FHIT: variants seen among roughly 807,000 people sequenced by gnomAD.
FHIT encodes bis(5'-adenosyl)-triphosphatase.
A neutral mutation model predicts 17.9 loss-of-function variants in FHIT; 19 were observed. That is an observed-to-expected ratio of 1.06 (90% CI 0.74 to 1.56). FHIT has a LOEUF of 1.56. Ranked by LOEUF, FHIT falls within the 40% of genes most tolerant of loss-of-function variation. The pLI is 0.00. For synonymous variants in FHIT, 81 were observed against 69.7 expected (o/e 1.16, Z -0.81); for missense variants, 248 against 189.2 (o/e 1.31, Z -1.82).
intron 5 of FHIT, among the ~76,000 whole-genome samples, chr3:60,295,350 C>T (rs1708159919): frequency 6.6e-6 from 1 of 152,090 alleles, no homozygotes; most frequent in Non-Finnish European, 1.5e-5. Flanking sequence ...GGTTTACAAG[C>T]AGCATGATGC....
At chr3:60,407,851 T>C (rs2107214055) in intron 5 of FHIT, among the ~76,000 whole-genome samples, 1 of 152,212 alleles carries the variant, frequency 6.6e-6, no homozygotes, top group South Asian at 2.1e-4. Flanking sequence ...TAAACACACA[T>C]AAATTTTTCA....
intron 5 of FHIT, among the ~76,000 whole-genome samples, chr3:60,497,486 C>A (rs954087013): frequency 3.3e-5 from 5 of 152,168 alleles, no homozygotes; most frequent in African/African-American, 1.2e-4. Flanking sequence ...ATGAAAATTA[C>A]ATAATTCTTT....
At chr3:60,587,738 T>C (rs1283375159) in intron 4 of FHIT, among the ~76,000 whole-genome samples, 1 of 152,026 alleles carries the variant, frequency 6.6e-6, no homozygotes, top group Non-Finnish European at 1.5e-5. Context: ...CACTATTTAT[T>C]GAGCTTCTGC....
intron 5 of FHIT, among the ~76,000 whole-genome samples, chr3:60,367,652 A>T (rs567728866): frequency 6.6e-6 from 1 of 152,314 alleles, no homozygotes; most frequent in Admixed American, 6.5e-5. Flanking sequence ...GCTTGTTTTT[A>T]AAAAATATCC....
At chr3:60,130,758 G>GTGTGTT (rs1213719942) in intron 5 of FHIT, among the ~76,000 whole-genome samples, 6 of 1,806 alleles carry the variant, frequency 3.3e-3, no homozygotes, top group South Asian at 0.043. Flanking sequence ...GTGTGTGTGT[G>GTGTGTT]TGTGTGTTTG....
chr3:61,218,382 T>G (rs2039744251), intron 1 of FHIT, among the ~76,000 whole-genome samples: 1 of 152,110 alleles, frequency 6.6e-6, no homozygotes, highest in South Asian at 2.1e-4. Context: ...AGGAACTGTT[T>G]TGTGGACTGA....
intron 8 of FHIT, among the ~76,000 whole-genome samples, chr3:59,917,566 A>T (rs1705192142): frequency 6.6e-6 from 1 of 152,214 alleles, no homozygotes; most frequent in Non-Finnish European, 1.5e-5. Context: ...AGTTCAGGGA[A>T]GGCTTGGCAT....
At chr3:60,781,784 T>C (rs1304791558) in intron 4 of FHIT, among the ~76,000 whole-genome samples, 3 of 152,208 alleles carry the variant, frequency 2.0e-5, no homozygotes, top group African/African-American at 2.4e-5. Flanking sequence ...AGGACACCAA[T>C]GGTAGTAAAT....
chr3:59,943,595 TA>T (rs1559485544), intron 7 of FHIT, among the ~76,000 whole-genome samples: 2 of 152,116 alleles, frequency 1.3e-5, no homozygotes, highest in Non-Finnish European at 2.9e-5. Flanking sequence ...CTCCTGTCTG[TA>T]AAAGGCACCA....
At chr3:59,944,510 TTTTC>T (rs1194179119) in intron 7 of FHIT, among the ~76,000 whole-genome samples, 4 of 70,538 alleles carry the variant, frequency 5.7e-5, no homozygotes, top group South Asian at 8.7e-4. Context: ...TTAAACATTT[TTTTC>T]TTTTTTTTTT....
rs565431040 is a variant in FHIT, at chr3:60,491,790, C to T, written c.103+45070G>A. The stretch of plus-strand genomic sequence containing the variant: ...AAATAACTGAAATATTTGGGGTAGG[C>T]CACCAATTTTGTCTTTATGTTGTTA... On this transcript the variant is annotated intron_variant, in intron 5 of 9. Coordinates refer to ENST00000492590, the MANE Select transcript of FHIT (RefSeq NM_002012.4). Among the ~76,000 whole-genome samples the T allele has an allele frequency of 8.7e-4, 133 of 152,202 alleles. 1 individual carries two copies. The highest frequency in any genetic ancestry group is 1.6e-3 in the Non-Finnish European group (107 of 67,994).
chr3:60,212,457 A>C (rs1047035191), intron 5 of FHIT, among the ~76,000 whole-genome samples: 1 of 152,192 alleles, frequency 6.6e-6, no homozygotes, highest in South Asian at 2.1e-4. Context: ...CCTTGTCTGT[A>C]ATAGAGCTTC....
intron 7 of FHIT, among the ~76,000 whole-genome samples, chr3:60,003,074 T>TG (rs1387175139): frequency 6.6e-6 from 1 of 152,192 alleles, no homozygotes; most frequent in East Asian, 1.9e-4. Context: ...GTGCTTCAAA[T>TG]GGGGCCCTTG....
chr3:60,926,701 C>A (rs1170302874), intron 3 of FHIT, among the ~76,000 whole-genome samples: 3 of 152,162 alleles, frequency 2.0e-5, no homozygotes, highest in Admixed American at 6.5e-5. Context: ...CAATAACTAA[C>A]ATCAGAGCAG....
At chr3:60,131,592 C>T (rs1254089513) in intron 5 of FHIT, among the ~76,000 whole-genome samples, 1 of 152,120 alleles carries the variant, frequency 6.6e-6, no homozygotes, top group Non-Finnish European at 1.5e-5. Flanking sequence ...CCTTTCCCCC[C>T]AGTTCTCCCT....
chr3:60,302,378 C>T (rs1265296816), intron 5 of FHIT, among the ~76,000 whole-genome samples: 1 of 152,072 alleles, frequency 6.6e-6, no homozygotes, highest in East Asian at 1.9e-4. Flanking sequence ...CAGGCCTACT[C>T]CAACCCTGCA....
intron 4 of FHIT, among the ~76,000 whole-genome samples, chr3:60,601,612 T>A (rs1213108826): frequency 2.6e-5 from 4 of 151,786 alleles, no homozygotes; most frequent in African/African-American, 9.7e-5. Flanking sequence ...GTGAGCAGGA[T>A]AAAAATAAAA....
chr3:60,684,702 GT>G (rs1188180958), intron 4 of FHIT, among the ~76,000 whole-genome samples: 3 of 151,984 alleles, frequency 2.0e-5, no homozygotes, highest in Admixed American at 6.6e-5. Context: ...TACCCAGACA[GT>G]TTCCTGAGTC....
At chr3:59,971,084 A>C (rs1708158112) in intron 7 of FHIT, among the ~76,000 whole-genome samples, 1 of 151,964 alleles carries the variant, frequency 6.6e-6, no homozygotes, top group African/African-American at 2.4e-5. Context: ...ATTAGGACAA[A>C]ATTTTTTTCT....
Sources: allele counts gnomAD v4.1 joint callset (sites outside exome capture counted in the v4.1 genomes callset), GRCh38; gene constraint gnomAD v4.1.1; transcripts MANE v1.5; gene names NCBI Gene and HGNC (gene_info 2026-07-23, HGNC 2026-07-21).